The following TRPC4AP variants were observed in gnomAD, a reference collection of about 807,000 sequenced individuals.
TRPC4AP encodes the protein short transient receptor potential channel 4-associated protein.
TRPC4AP carries 45 observed loss-of-function variants against 99.0 expected under a neutral mutation model. The observed-to-expected ratio is 0.45, with a 90% CI of 0.36 to 0.58. The LOEUF (loss-of-function observed/expected upper bound fraction) is 0.58. Ranked by LOEUF, TRPC4AP falls within the 20% of genes least tolerant of loss-of-function variation. The pLI, the probability that TRPC4AP is intolerant of heterozygous loss-of-function variation, is 0.00. For synonymous variants in TRPC4AP, 408 were observed against 385.8 expected, an observed-to-expected ratio of 1.06 and a Z score of -0.67; for missense variants, 879 against 985.3, an observed-to-expected ratio of 0.89 and a Z score of 1.44.
intron 3 of TRPC4AP, among the ~76,000 whole-genome samples, chr20:35,067,862 G>A (rs1170532335): frequency 3.3e-5 from 5 of 152,136 alleles, no homozygotes. Flanking sequence ...GGTGGTAGAG[G>A]TAGGGGAGTG....
chr20:35,092,768 G>A lies in TRPC4AP; in HGVS notation c.14C>T (p.Pro5Leu), dbSNP rs893100286. The change falls in exon 1 of 19, where the codon CCG (proline) becomes CTG (leucine). Residue 5 changes from proline to leucine, a missense_variant. This residue lies in a region of TRPC4AP where 603 missense variants were observed against 631.8 expected (regional missense o/e 0.95). Transcript: ENST00000252015. ...GCCGGCTCCAGACCCAGCCGCTACC[G>A]GCGCCGCCGCCATGTCTCCTCGTCG... Reference protein sequence around the residue: MAAAPVAAGSGAGRG... With the variant: MAAALVAAGSGAGRG... The A allele has an allele frequency of 1.2e-5, 19 of 1,539,278 alleles. No homozygotes were observed. Among genetic ancestry groups the A allele is most frequent in the Non-Finnish European group, 1.6e-5 (18 of 1,155,282 alleles).
At chr20:35,040,116 C>A (rs1033993674) in intron 7 of TRPC4AP, among the ~76,000 whole-genome samples, 22 of 151,558 alleles carry the variant, frequency 1.5e-4, no homozygotes, top group Admixed American at 3.9e-4. Flanking sequence ...TACGTTGAAG[C>A]TCTAGCCCTA....
At chr20:35,064,929 A>G (rs2084105246) in intron 3 of TRPC4AP, among the ~76,000 whole-genome samples, 1 of 152,190 alleles carries the variant, frequency 6.6e-6, no homozygotes, top group African/African-American at 2.4e-5. Flanking sequence ...CGGTCTTGGT[A>G]TACACAAGCT....
At chr20:35,086,288 T>C (rs1190091340) in intron 1 of TRPC4AP, among the ~76,000 whole-genome samples, 2 of 152,004 alleles carry the variant, frequency 1.3e-5, no homozygotes, top group African/African-American at 4.8e-5. Context: ...ATAATAAAGA[T>C]AAAATACCTT....
intron 6 of TRPC4AP, among the ~76,000 whole-genome samples, chr20:35,045,836 G>C (rs2083550337): frequency 6.6e-6 from 1 of 151,714 alleles, no homozygotes; most frequent in Non-Finnish European, 1.5e-5. Context: ...TACCACGCCT[G>C]GCCAATACTT....
chr20:35,037,909 C>A (rs1057140241), intron 7 of TRPC4AP, among the ~76,000 whole-genome samples: 3 of 151,882 alleles, frequency 2.0e-5, no homozygotes, highest in African/African-American at 7.3e-5. Context: ...TAGGTTTGTG[C>A]AAGTACACTC....
chr20:35,079,282 C>T (rs2084563299), intron 1 of TRPC4AP, among the ~76,000 whole-genome samples: 1 of 152,012 alleles, frequency 6.6e-6, no homozygotes, highest in South Asian at 2.1e-4. Flanking sequence ...CAAAAACTGC[C>T]TAAAAGAACT....
chr20:35,028,031 A>G (rs1194768186), intron 8 of TRPC4AP, among the ~76,000 whole-genome samples: 1 of 152,028 alleles, frequency 6.6e-6, no homozygotes, highest in Non-Finnish European at 1.5e-5. Flanking sequence ...TAATCCTATT[A>G]CTTCCTTTTC....
intron 9 of TRPC4AP, among the ~76,000 whole-genome samples, chr20:35,018,614 A>C (rs2082809866): frequency 6.6e-6 from 1 of 151,156 alleles, no homozygotes; most frequent in African/African-American, 2.4e-5. Context: ...GAAAAAAAAA[A>C]AAAAAAAAAA....
At position 35,049,493 on chromosome 20, in the gene TRPC4AP, T is replaced by C. The variant is rs556270436; in HGVS notation, c.657+373A>G. 5.7e-5 allele frequency among the ~76,000 whole-genome samples: 7 copies of C among 123,448 alleles called. No individual in the cohort carries two copies. The East Asian group carries it at 1.7e-3, about 30-fold the overall frequency. The allele number at this position is 123,448 out of a possible 152,430, so 81.0% of individuals were successfully genotyped here. ...CACACCAGTTCAGATAGCGGTAAAG[T>C]GGTAAGAGAATGGAGTCACTGCATA... On this transcript the variant is annotated intron_variant, in intron 6 of 18. Coordinates refer to ENST00000252015, the MANE Select transcript of TRPC4AP (RefSeq NM_015638.3).
chr20:35,048,340 T>C (rs1036743384), intron 6 of TRPC4AP, among the ~76,000 whole-genome samples: 1 of 151,818 alleles, frequency 6.6e-6, no homozygotes, highest in East Asian at 1.9e-4. Flanking sequence ...GCCTCCCAAG[T>C]AGCTGGGACT....
intron 3 of TRPC4AP, among the ~76,000 whole-genome samples, chr20:35,065,807 C>G (rs2084129102): frequency 6.6e-6 from 1 of 152,178 alleles, no homozygotes; most frequent in Non-Finnish European, 1.5e-5. Flanking sequence ...CAAATAGACA[C>G]AGGCTACAGA....
chr20:35,032,608 G>A (rs2083227766), intron 8 of TRPC4AP, among the ~76,000 whole-genome samples: 1 of 151,486 alleles, frequency 6.6e-6, no homozygotes, highest in Admixed American at 6.6e-5. Flanking sequence ...CAGTAGCTGG[G>A]ACTACAGGCG....
In TRPC4AP at chr20:35,086,479, G is replaced by A. The variant is rs200642753; in HGVS notation, c.168+6135C>T. 1.3e-3 allele frequency among the ~76,000 whole-genome samples: 126 copies of A among 94,148 alleles called. 6 individuals are homozygous for A. Among genetic ancestry groups the A allele is most frequent in the African/African-American group, 5.2e-3 (78 of 14,864 alleles). 61.8% of individuals were successfully genotyped at this position (94,148 alleles called of 152,430 possible). On this transcript the variant is annotated intron_variant, in intron 1 of 18. Coordinates refer to ENST00000252015, the MANE Select transcript of TRPC4AP (RefSeq NM_015638.3). ...TGTGTGTGTGTGTGTGTGTGTGTAT[G>A]TGTGTGTATATATATATGTGTATAT... is the stretch of plus-strand genomic sequence containing the variant.
chr20:35,016,407 A>G (rs2082754515), intron 9 of TRPC4AP, among the ~76,000 whole-genome samples: 1 of 152,212 alleles, frequency 6.6e-6, no homozygotes, highest in Admixed American at 6.5e-5. Context: ...TTTGGGATTC[A>G]GAGAGTCCTG....
intron 3 of TRPC4AP, among the ~76,000 whole-genome samples, chr20:35,067,214 G>A: frequency 6.6e-6 from 1 of 152,260 alleles, no homozygotes; most frequent in East Asian, 1.9e-4. Flanking sequence ...GGCTGGAGCG[G>A]GGGCTCATGC....
chr20:35,028,526 G>A (rs1233732259), intron 8 of TRPC4AP, among the ~76,000 whole-genome samples: 2 of 152,174 alleles, frequency 1.3e-5, no homozygotes, highest in Non-Finnish European at 2.9e-5. Flanking sequence ...ACTGGGATTT[G>A]AGGACATACT....
intron 6 of TRPC4AP, among the ~76,000 whole-genome samples, chr20:35,048,471 A>T (rs1324802600): frequency 6.6e-6 from 1 of 152,144 alleles, no homozygotes; most frequent in African/African-American, 2.4e-5. Context: ...TGCCTGCCTC[A>T]GCCTCCCAAA....
intron 1 of TRPC4AP, among the ~76,000 whole-genome samples, chr20:35,089,009 G>A (rs1396530584): frequency 4.6e-5 from 7 of 150,878 alleles, no homozygotes; most frequent in African/African-American, 1.7e-4. Flanking sequence ...CACAACAATG[G>A]GAATATACTT....
Sources: gnomAD v4.1 joint callset for allele counts (sites outside exome capture counted in the v4.1 genomes callset) on GRCh38, gnomAD v4.1.1 for gene constraint, gnomAD v4.1.1 regional missense constraint, MANE v1.5 for transcripts, NCBI Gene and HGNC (gene_info 2026-07-23, HGNC 2026-07-21) for gene names.